Variants in ABR observed in about 807,000 individuals in gnomAD.
ABR encodes the protein active breakpoint cluster region-related protein.
Under a neutral mutation model 107.2 loss-of-function variants are expected in ABR, and 35 were observed. The observed-to-expected ratio is 0.33, with a 90% CI of 0.25 to 0.43. The LOEUF (loss-of-function observed/expected upper bound fraction) is 0.43, where lower values mean the gene tolerates loss of function less well. Ranked by LOEUF, ABR falls within the 20% of genes least tolerant of loss-of-function variation. The pLI, the probability that ABR is intolerant of heterozygous loss-of-function variation, is 1.00. For missense variants in ABR, 815 were observed against 1,115.2 expected (o/e 0.73, Z 3.83); for synonymous variants, 498 against 462.0 (o/e 1.08, Z -1.00).
chr17:1,162,413 C>T (rs9902613), intron 1 of ABR, among the ~76,000 whole-genome samples: 18,900 of 152,210 alleles, frequency 0.12, 1,745 homozygotes, highest in East Asian at 0.3. Flanking sequence ...TCCATCCTCT[C>T]TTCCACCCCA....
intron 16 of ABR, among the ~76,000 whole-genome samples, chr17:1,036,202 A>G (rs1382280922): frequency 6.6e-6 from 1 of 152,160 alleles, no homozygotes; most frequent in Non-Finnish European, 1.5e-5. Context: ...AAATGACTCC[A>G]GGAGAGGGGG....
chr17:1,006,653 C>T, intron 22 of ABR, among the ~76,000 whole-genome samples: 1 of 152,164 alleles, frequency 6.6e-6, no homozygotes, highest in East Asian at 1.9e-4. Context: ...GGTGACACCC[C>T]ATAGCCCATC....
chr17:1,038,222 C>T (rs975754961), intron 16 of ABR, among the ~76,000 whole-genome samples: 2 of 152,186 alleles, frequency 1.3e-5, no homozygotes, highest in African/African-American at 2.4e-5. Context: ...CAGGCATCTA[C>T]AGCTCAAACC....
intron 12 of ABR, among the ~76,000 whole-genome samples, 200 bp from the exon 13 acceptor site, chr17:1,057,302 A>G: frequency 8.1e-6 from 1 of 124,164 alleles, no homozygotes; most frequent in Non-Finnish European, 1.7e-5. Context: ...ATCTAACTGA[A>G]GAGGTTTGTG....
intron 2 of ABR, chr17:1,109,084 C>T: frequency 1.3e-6 from 2 of 1,538,686 alleles, no homozygotes; most frequent in African/African-American, 1.4e-5. Context: ...CCGGAGCCCG[C>T]GGAGGGCAGA....
At chr17:1,110,890 A>G (rs1483050572) in intron 2 of ABR, among the ~76,000 whole-genome samples, 2 of 152,158 alleles carry the variant, frequency 1.3e-5, no homozygotes, top group African/African-American at 4.8e-5. Flanking sequence ...GGTGGGTTAT[A>G]AATAGCCAGG....
At chr17:1,216,394 G>C (rs78636282) in intron 1 of ABR, among the ~76,000 whole-genome samples, 1 of 152,132 alleles carries the variant, frequency 6.6e-6, no homozygotes, top group South Asian at 2.1e-4. Flanking sequence ...ACCCAGCTCC[G>C]AGTCTTCCTC....
intron 18 of ABR, chr17:1,012,408 G>A: frequency 1.5e-6 from 1 of 672,840 alleles, no homozygotes; most frequent in African/African-American, 1.8e-5. Flanking sequence ...CCCAAACGTA[G>A]GCCCCCGGCT....
intron 1 of ABR, among the ~76,000 whole-genome samples, chr17:1,219,666 G>T (rs1426202665): frequency 3.7e-5 from 5 of 136,572 alleles, no homozygotes; most frequent in South Asian, 2.7e-4. Context: ...CAGGAGAATT[G>T]CTTGAACCCA....
intron 2 of ABR, among the ~76,000 whole-genome samples, chr17:1,112,433 G>A (rs2038726333): frequency 1.3e-5 from 2 of 152,230 alleles, no homozygotes; most frequent in Admixed American, 1.3e-4. Flanking sequence ...CGAAAGGAAA[G>A]GGTTAAGCAG....
chr17:1,080,693 C>T (rs2036163195), intron 5 of ABR, among the ~76,000 whole-genome samples: 1 of 139,084 alleles, frequency 7.2e-6, no homozygotes, highest in Non-Finnish European at 1.5e-5. Context: ...CTTCCTACTT[C>T]TGTCTCAAGC....
At chr17:1,044,194 G>A (rs574332671) in intron 16 of ABR, among the ~76,000 whole-genome samples, 3 of 102,544 alleles carry the variant, frequency 2.9e-5, no homozygotes, top group South Asian at 1.1e-3. Context: ...GGCAAGAGCC[G>A]GTGGAGGGGG....
chr17:1,120,921 G>A (rs2039316345), intron 2 of ABR, among the ~76,000 whole-genome samples: 1 of 152,310 alleles, frequency 6.6e-6, no homozygotes, highest in South Asian at 2.1e-4. Context: ...AGCAGACAGA[G>A]GAGTCTGTGG....
At chr17:1,025,670 A>G (rs1371984046) in intron 16 of ABR, among the ~76,000 whole-genome samples, 8 of 152,012 alleles carry the variant, frequency 5.3e-5, no homozygotes, top group African/African-American at 1.9e-4. Context: ...TCTTCTTGTC[A>G]TTTAAATCTT....
chr17:1,138,649 A>G (rs2040174234), intron 1 of ABR, among the ~76,000 whole-genome samples: 1 of 151,908 alleles, frequency 6.6e-6, no homozygotes, highest in Admixed American at 6.6e-5. Flanking sequence ...GGCTGATTCG[A>G]AAAAGTTTTT....
chr17:1,013,458 G>A (rs894571205), intron 16 of ABR, among the ~76,000 whole-genome samples: 5 of 152,124 alleles, frequency 3.3e-5, no homozygotes, highest in African/African-American at 1.2e-4. Context: ...CCCACCGTGG[G>A]GGAGGCAGGG....
intron 17 of ABR, 136 bp downstream of exon 17, chr17:1,012,969 G>T: frequency 1.7e-6 from 2 of 1,159,466 alleles, no homozygotes; most frequent in Non-Finnish European, 2.5e-6. Context: ...GGCAGGAGGG[G>T]AGAGGGGGCT....
At chr17:1,018,263 T>C (rs9904406) in intron 16 of ABR, among the ~76,000 whole-genome samples, 23,460 of 151,348 alleles carry the variant, frequency 0.16, 2,276 homozygotes, top group African/African-American at 0.29. Context: ...AGGATGGTCT[T>C]GATCTCCTGA....
chr17:1,132,940 G>T (rs1381193574), intron 1 of ABR, among the ~76,000 whole-genome samples: 1 of 152,142 alleles, frequency 6.6e-6, no homozygotes, highest in African/African-American at 2.4e-5. Flanking sequence ...CTTGGAGGCT[G>T]CCTATAACTG....
Sources: gnomAD v4.1 joint callset for allele counts (sites outside exome capture counted in the v4.1 genomes callset) on GRCh38, gnomAD v4.1.1 for gene constraint, MANE v1.5 for transcripts, NCBI Gene and HGNC (gene_info 2026-07-23, HGNC 2026-07-21) for gene names.